Variants in CFAP99 observed in about 807,000 individuals in gnomAD.
CFAP99 encodes cilia- and flagella-associated protein 99.
Under a neutral mutation model 82.7 loss-of-function variants are expected in CFAP99, and 84 were observed. That is an observed-to-expected ratio of 1.02 (90% CI 0.85 to 1.22). The LOEUF (loss-of-function observed/expected upper bound fraction) is 1.22, where lower values mean the gene tolerates loss of function less well. CFAP99 is among the 50% of genes most tolerant of loss of function. The pLI is 0.00. For missense variants in CFAP99, 1,059 were observed against 983.5 expected (o/e 1.08, Z -1.03); for synonymous variants, 456 against 429.5 (o/e 1.06, Z -0.76).
At chr4:2,426,472 G>A (rs1379409532) in exon 2 of CFAP99, 1 of 1,534,958 alleles carries the variant, frequency 6.5e-7, no homozygotes, top group East Asian at 2.4e-5. Flanking sequence ...TCTGCCCTAA[G>A]AAGATGGCCT....
At chr4:2,439,216 G>A (rs1247719621) in intron 4 of CFAP99, among the ~76,000 whole-genome samples, 3 of 152,208 alleles carry the variant, frequency 2.0e-5, no homozygotes, top group Non-Finnish European at 2.9e-5. Context: ...CCAGGGTTGC[G>A]GAAACTGGGG....
In CFAP99 at chr4:2,462,512, G is replaced by C; in HGVS notation, c.1731G>C (p.Leu577=). ...CGCAGGACGAGCGCGTGCAGCAGCT[G>C]CGGCGCAGGATCTCGGAGAGGGCGG... The change falls in exon 15 of 15, where the codon CTG becomes CTC. Residue 577 remains leucine, a synonymous_variant. Coordinates refer to ENST00000635017, the Ensembl canonical transcript of CFAP99. This position sits in a 1 kb window ranked among gnomAD's most constrained non-coding sequence, Gnocchi z 4.1. 6.8e-7 allele frequency: 1 copy of C among 1,478,018 alleles called. No individual in the cohort carries two copies. The highest frequency in any genetic ancestry group is 8.9e-7 in the Non-Finnish European group (1 of 1,123,120). The allele number at this position is 1,478,018 out of a possible 1,614,324, so 91.6% of individuals were successfully genotyped here.
intron 5 of CFAP99, among the ~76,000 whole-genome samples, chr4:2,443,921 C>G (rs1734105875): frequency 6.6e-6 from 1 of 152,082 alleles, no homozygotes; most frequent in Non-Finnish European, 1.5e-5. Context: ...TGAGGGGCCC[C>G]CCAGTTTTTT....
At chr4:2,422,656 G>A (rs1229711577) in intron 1 of CFAP99, among the ~76,000 whole-genome samples, 2 of 152,146 alleles carry the variant, frequency 1.3e-5, no homozygotes, top group East Asian at 3.9e-4. Context: ...TTTCCTGGGT[G>A]TATACCCTGT....
chr4:2,430,199 G>A (rs567907929), intron 2 of CFAP99, among the ~76,000 whole-genome samples: 19 of 137,716 alleles, frequency 1.4e-4, no homozygotes, highest in African/African-American at 4.5e-4. Flanking sequence ...TAAACCAAAC[G>A]GCAGACTCCG....
chr4:2,451,242 C>T, intron 9 of CFAP99, 22 bp from the exon 10 acceptor site: 4 of 1,535,368 alleles, frequency 2.6e-6, no homozygotes, highest in South Asian at 1.2e-5. Context: ...GCCCCCACCA[C>T]AGCCAGTCCC....
In CFAP99 at chr4:2,446,080, G is replaced by A. The variant is rs1486229126; in HGVS notation, c.642+772G>A. 1.3e-5 allele frequency among the ~76,000 whole-genome samples: 2 copies of A among 152,306 alleles called. 1 individual carries two copies. ...TCTGCAACAGGACTAAGGGCTATAT[G>A]GGAGGGGAAGGGGATGGTGCTGGGA... On this transcript the variant is annotated intron_variant, in intron 6 of 14. Transcript: ENST00000635017. This position sits in a 1 kb window ranked among gnomAD's most constrained non-coding sequence, Gnocchi z 5.0.
At chr4:2,433,903 C>T (rs1404877147) in intron 2 of CFAP99, among the ~76,000 whole-genome samples, 2 of 152,206 alleles carry the variant, frequency 1.3e-5, no homozygotes, top group Non-Finnish European at 2.9e-5. Flanking sequence ...GAGCTGGGCA[C>T]TTCCATGCAG....
chr4:2,441,892 A>G (rs1417362257), intron 4 of CFAP99, among the ~76,000 whole-genome samples: 1 of 152,184 alleles, frequency 6.6e-6, no homozygotes, highest in Non-Finnish European at 1.5e-5. Flanking sequence ...GGGCGGTGAC[A>G]TGGTGTGGCT....
chr4:2,429,859 G>A (rs971973074), intron 2 of CFAP99, among the ~76,000 whole-genome samples: 2 of 152,190 alleles, frequency 1.3e-5, no homozygotes, highest in Admixed American at 1.3e-4. Context: ...CCAAGGTGCT[G>A]GGATTACAGG....
chr4:2,443,263 T>C (rs1323040362), intron 5 of CFAP99, 21 bp downstream of exon 5: 1 of 1,473,988 alleles, frequency 6.8e-7, no homozygotes, highest in African/African-American at 1.4e-5. Flanking sequence ...TGGGGGGCTC[T>C]GGGGGCCCTG....
At position 2,449,923 on chromosome 4, in the gene CFAP99, C is replaced by G. The variant is rs1734263059; in HGVS notation, c.724-11C>G. 2 of 1,536,026 alleles carry G rather than the reference C, an allele frequency of 1.3e-6. No homozygotes were observed. Among genetic ancestry groups the G allele is most frequent in the Admixed American group, 2.0e-5 (1 of 50,970 alleles). On this transcript the variant is annotated splice_polypyrimidine_tract_variant and intron_variant, in intron 7 of 14. Coordinates refer to ENST00000635017, the Ensembl canonical transcript of CFAP99. ...GCTGGTGGGACTGGAGCCGCTGTGT[C>G]ACTGTGGCAGGAGCTGCTGCTGAGG...
intron 11 of CFAP99, among the ~76,000 whole-genome samples, chr4:2,454,336 T>G (rs975891644): frequency 1.3e-5 from 2 of 150,722 alleles, no homozygotes; most frequent in Non-Finnish European, 2.9e-5. Flanking sequence ...GGGTTTTCAC[T>G]GTGTTGGCCA....
exon 6 of CFAP99, chr4:2,445,232 A>T: frequency 6.9e-7 from 1 of 1,453,452 alleles, no homozygotes; most frequent in Non-Finnish European, 9.0e-7. Context: ...GAGCCCAAGG[A>T]ATTCAACCTG....
At chr4:2,422,714 A>T (rs1167180491) in intron 1 of CFAP99, among the ~76,000 whole-genome samples, 1 of 152,218 alleles carries the variant, frequency 6.6e-6, no homozygotes, top group African/African-American at 2.4e-5. Flanking sequence ...AGGCTGGGGC[A>T]AGGGGACCCC....
intron 6 of CFAP99, among the ~76,000 whole-genome samples, chr4:2,445,937 C>T (rs182596080): frequency 3.3e-5 from 5 of 152,292 alleles, no homozygotes; most frequent in African/African-American, 4.8e-5. Context: ...ACTGGACCAG[C>T]TTAGGTCTCA....
chr4:2,452,458 A>G, intron 11 of CFAP99, 112 bp downstream of exon 11: 1 of 1,129,914 alleles, frequency 8.9e-7, no homozygotes, highest in Non-Finnish European at 1.3e-6. Flanking sequence ...GCGCCCCCGT[A>G]GAAGCTACTG....
At chr4:2,441,141 T>G (rs1030349690) in intron 4 of CFAP99, among the ~76,000 whole-genome samples, 1 of 151,580 alleles carries the variant, frequency 6.6e-6, no homozygotes, top group Non-Finnish European at 1.5e-5. Context: ...GAGGCCGAAG[T>G]GGGTGTATCC....
chr4:2,430,728 G>A (rs1176055143), intron 2 of CFAP99, among the ~76,000 whole-genome samples: 2 of 152,032 alleles, frequency 1.3e-5, no homozygotes, highest in Non-Finnish European at 2.9e-5. Flanking sequence ...CTTGAACCTA[G>A]GAGTTCGTGT....
Sources: gnomAD v4.1 joint callset for allele counts (sites outside exome capture counted in the v4.1 genomes callset) on GRCh38, gnomAD v4.1.1 for gene constraint, Gnocchi (gnomAD v3.1) non-coding constraint, MANE v1.5 for transcripts, NCBI Gene and HGNC (gene_info 2026-07-23, HGNC 2026-07-21) for gene names.